ZC3H12B: variants seen among roughly 807,000 people sequenced by gnomAD.
The protein encoded by ZC3H12B is zinc finger CCCH-type containing 12B, also known as probable ribonuclease ZC3H12B.
Under a neutral mutation model 43.9 loss-of-function variants are expected in ZC3H12B, and 7 were observed. That is an observed-to-expected ratio of 0.16 (90% confidence interval 0.09 to 0.30). The LOEUF is 0.30. Among genes scored for constraint, ZC3H12B ranks in the 10% least tolerant of loss-of-function variants. The probability of loss-of-function intolerance (pLI) is 1.00; values close to 1 mark genes in which losing one functional copy is unlikely to be tolerated. For synonymous variants in ZC3H12B, 222 were observed against 241.7 expected (o/e 0.92, Z 0.76); for missense variants, 475 against 670.2 (o/e 0.71, Z 3.22).
At chrX:65,146,625 A>G in the ZC3H12B span, among the ~76,000 whole-genome samples, 1 of 111,432 alleles carries the variant, frequency 9.0e-6, no homozygotes, top group Non-Finnish European at 1.9e-5. Flanking sequence ...GAAGGCTGTT[A>G]TTCAGATTCT....
chrX:65,348,318 G>C, the ZC3H12B span, among the ~76,000 whole-genome samples: 1 of 111,356 alleles, frequency 9.0e-6, no homozygotes, highest in Non-Finnish European at 1.9e-5. Flanking sequence ...AATGCTGAGC[G>C]ATTTTGTCAC....
At chrX:65,318,037 C>T in the ZC3H12B span, among the ~76,000 whole-genome samples, 15 of 109,033 alleles carry the variant, frequency 1.4e-4, 1 homozygote, top group Admixed American at 1.3e-3. Context: ...GGCAGATATC[C>T]GGTAGTGGGA....
At chrX:65,495,747 C>G (rs981352793) in intron 1 of ZC3H12B, among the ~76,000 whole-genome samples, 4 of 112,373 alleles carry the variant, frequency 3.6e-5, no homozygotes, top group African/African-American at 1.3e-4. Flanking sequence ...TTTCCCTCTT[C>G]CAATTTCTAT....
At chrX:65,122,303 A>G in the ZC3H12B span, among the ~76,000 whole-genome samples, 27 of 111,258 alleles carry the variant, frequency 2.4e-4, no homozygotes, top group African/African-American at 8.8e-4. Context: ...TAAATGAAGG[A>G]GAAATAAAAT....
intron 3 of ZC3H12B, among the ~76,000 whole-genome samples, chrX:65,465,765 G>T (rs905733494): frequency 6.4e-5 from 7 of 109,796 alleles, no homozygotes; most frequent in Non-Finnish European, 3.8e-5. Context: ...TTATATTTTT[G>T]AGTTATTTTC....
intron 2 of ZC3H12B, among the ~76,000 whole-genome samples, chrX:65,380,725 G>C: frequency 8.9e-6 from 1 of 111,760 alleles, no homozygotes; most frequent in Non-Finnish European, 1.9e-5. Flanking sequence ...CTCACGGGCA[G>C]AGACACACAT....
chrX:65,411,653 G>C (rs992951052), intron 3 of ZC3H12B, among the ~76,000 whole-genome samples: 5 of 110,246 alleles, frequency 4.5e-5, no homozygotes, highest in Non-Finnish European at 9.5e-5. Context: ...TTGAACCCAG[G>C]AGGCAGAGGT....
chrX:65,301,543 A>T, the ZC3H12B span, among the ~76,000 whole-genome samples: 1 of 111,883 alleles, frequency 8.9e-6, no homozygotes, highest in Non-Finnish European at 1.9e-5. Context: ...GAATGAAATA[A>T]TGGCATTTGC....
chrX:65,114,915 G>T, the ZC3H12B span, among the ~76,000 whole-genome samples: 1 of 31,199 alleles, frequency 3.2e-5, no homozygotes, highest in Non-Finnish European at 5.1e-5. Context: ...TGTGTCTCAG[G>T]ATTTTTTTTT....
At chrX:65,197,431 C>A in the ZC3H12B span, among the ~76,000 whole-genome samples, 1 of 112,045 alleles carries the variant, frequency 8.9e-6, no homozygotes, top group Non-Finnish European at 1.9e-5. Context: ...AGACCTCTTT[C>A]TAATAATGGC....
chrX:65,171,857 T>A, the ZC3H12B span, among the ~76,000 whole-genome samples: 1 of 111,156 alleles, frequency 9.0e-6, no homozygotes, highest in Non-Finnish European at 1.9e-5. Flanking sequence ...TGGGATATAA[T>A]CTCCTGGTGT....
At chrX:65,347,871 T>C in the ZC3H12B span, among the ~76,000 whole-genome samples, 9,272 of 111,649 alleles carry the variant, frequency 0.083, 1,033 homozygotes, top group African/African-American at 0.29. Context: ...ATTAAGAAAA[T>C]GTGGCACATG....
the ZC3H12B span, among the ~76,000 whole-genome samples, chrX:65,169,508 C>T: frequency 3.6e-5 from 4 of 111,900 alleles, no homozygotes; most frequent in Admixed American, 9.5e-5. Context: ...AATGTATATT[C>T]TGTTGATTTG....
At chrX:65,211,689 A>G in the ZC3H12B span, among the ~76,000 whole-genome samples, 1 of 88,268 alleles carries the variant, frequency 1.1e-5, no homozygotes, top group Admixed American at 1.6e-4. Flanking sequence ...TTATATATAT[A>G]ATATTATATA....
intron 3 of ZC3H12B, among the ~76,000 whole-genome samples, chrX:65,477,396 C>A (rs2068008212): frequency 9.3e-6 from 1 of 107,049 alleles, no homozygotes; most frequent in South Asian, 3.9e-4. Flanking sequence ...CACACACACA[C>A]AACAGGAGTT....
the ZC3H12B span, among the ~76,000 whole-genome samples, chrX:65,106,276 A>T: frequency 8.9e-6 from 1 of 112,056 alleles, no homozygotes; most frequent in East Asian, 2.8e-4. Flanking sequence ...ATGAGTAGAT[A>T]AATTGGCAGA....
chrX:65,057,029 A>G, the ZC3H12B span, among the ~76,000 whole-genome samples: 5 of 111,030 alleles, frequency 4.5e-5, no homozygotes, highest in Admixed American at 4.8e-4. Flanking sequence ...ATAGGTCTGG[A>G]CTCTTTATCC....
chrX:65,198,722 C>T, the ZC3H12B span, among the ~76,000 whole-genome samples: 1 of 111,803 alleles, frequency 8.9e-6, no homozygotes, highest in Non-Finnish European at 1.9e-5. Flanking sequence ...CCTTCTGGAA[C>T]TTGGATATTG....
At chrX:65,053,610 T>C in the ZC3H12B span, among the ~76,000 whole-genome samples, 1 of 111,818 alleles carries the variant, frequency 8.9e-6, no homozygotes, top group Admixed American at 9.5e-5. Flanking sequence ...TATACTCCTC[T>C]GGGTATATAC....
Sources: allele counts gnomAD v4.1 joint callset (sites outside exome capture counted in the v4.1 genomes callset), GRCh38; gene constraint gnomAD v4.1.1; transcripts MANE v1.5; gene names NCBI Gene and HGNC (gene_info 2026-07-23, HGNC 2026-07-21).